SCAI: variants seen among roughly 807,000 people sequenced by gnomAD.
SCAI encodes the protein protein SCAI.
Under a neutral mutation model 92.2 loss-of-function variants are expected in SCAI, and 24 were observed. The ratio of observed to expected loss-of-function variants is 0.26; its 90% CI spans 0.19 to 0.37. The LOEUF (loss-of-function observed/expected upper bound fraction) is 0.37, where lower values mean the gene tolerates loss of function less well. Among genes scored for constraint, SCAI ranks in the 10% least tolerant of loss-of-function variants. SCAI has a pLI of 1.00. For missense variants in SCAI, 450 were observed against 736.2 expected (o/e 0.61, Z 4.50); for synonymous variants, 261 against 258.6 (o/e 1.01, Z -0.09).
intron 3 of SCAI, among the ~76,000 whole-genome samples, chr9:125,037,332 T>C (rs1375245784): frequency 1.3e-5 from 2 of 149,344 alleles, no homozygotes; most frequent in African/African-American, 4.9e-5. Context: ...CACAGCTCCC[T>C]GGGAGGCTGA....
intron 4 of SCAI, among the ~76,000 whole-genome samples, chr9:125,029,213 C>T (rs1833023294): frequency 6.6e-6 from 1 of 152,234 alleles, no homozygotes; most frequent in Admixed American, 6.5e-5. Flanking sequence ...TCCCCCACTT[C>T]AGGGTTCAAG....
intron 15 of SCAI, among the ~76,000 whole-genome samples, chr9:124,973,141 G>A (rs1304460050): frequency 6.6e-6 from 1 of 152,118 alleles, no homozygotes; most frequent in Non-Finnish European, 1.5e-5. Context: ...TAACCTAAAG[G>A]TAACTTTACA....
chr9:125,102,150 A>G (rs1459008018), intron 2 of SCAI, among the ~76,000 whole-genome samples: 1 of 152,232 alleles, frequency 6.6e-6, no homozygotes, highest in African/African-American at 2.4e-5. Context: ...ACATGTCTCC[A>G]GACATTGCTA....
chr9:124,970,516 C>T (rs987181691), intron 17 of SCAI, among the ~76,000 whole-genome samples: 1 of 151,920 alleles, frequency 6.6e-6, no homozygotes, highest in Non-Finnish European at 1.5e-5. Flanking sequence ...GTCAGGAGAT[C>T]GAGACCAGCC....
At chr9:124,957,007 T>TA (rs1831325986) in intron 17 of SCAI, among the ~76,000 whole-genome samples, 1 of 150,414 alleles carries the variant, frequency 6.6e-6, no homozygotes, top group Non-Finnish European at 1.5e-5. Context: ...TTTTTTTTTT[T>TA]AAGAAAGGGT....
intron 13 of SCAI, among the ~76,000 whole-genome samples, chr9:124,999,626 A>G (rs1411435440): frequency 6.6e-6 from 1 of 152,134 alleles, no homozygotes; most frequent in Non-Finnish European, 1.5e-5. Flanking sequence ...CTAGAATGCA[A>G]TTTTGTTCAC....
At position 124,942,632 on chromosome 9, in the gene SCAI, A is replaced by G. The variant is rs952327076; in HGVS notation, c.*10175T>C. On this transcript the variant is annotated 3_prime_UTR_variant, in exon 18 of 18. Transcript: ENST00000336505. The stretch of plus-strand genomic sequence containing the variant: ...CTTTAAGCAAATAATGTTTATTTTT[A>G]TATTGATGATACACTTAATATATAT... The G allele has an allele frequency of 6.6e-6, 1 of 152,344 alleles. No homozygotes were observed. The highest frequency in any genetic ancestry group is 6.5e-5 in the Admixed American group (1 of 15,300). 9.4% of individuals were successfully genotyped at this position (152,344 alleles called of 1,614,324 possible). A position where few individuals can be genotyped will look rare whatever the true frequency, so the allele number is the denominator to read the frequency against.
intron 3 of SCAI, among the ~76,000 whole-genome samples, chr9:125,047,974 T>C (rs1833479897): frequency 1.3e-5 from 2 of 152,154 alleles, no homozygotes; most frequent in Admixed American, 1.3e-4. Flanking sequence ...GTCATTGATT[T>C]TCTTTTCTTT....
chr9:124,993,055 T>C (rs1412103357), intron 14 of SCAI, among the ~76,000 whole-genome samples: 3 of 152,254 alleles, frequency 2.0e-5, no homozygotes, highest in South Asian at 4.1e-4. Flanking sequence ...TGCTAGATCA[T>C]GTTAAACAAT....
intron 15 of SCAI, 125 bp from the exon 16 acceptor site, chr9:124,971,969 A>G (rs576928950): frequency 1.2e-4 from 60 of 505,296 alleles, no homozygotes; most frequent in African/African-American, 1.1e-3. Context: ...ATCATAATTC[A>G]TCAAAGCAGA....
intron 3 of SCAI, among the ~76,000 whole-genome samples, chr9:125,041,710 A>G (rs1238920306): frequency 6.6e-6 from 1 of 152,186 alleles, no homozygotes; most frequent in Non-Finnish European, 1.5e-5. Flanking sequence ...GCTGTAATAT[A>G]TAAATATTTT....
At chr9:125,123,619 C>CA in intron 2 of SCAI, among the ~76,000 whole-genome samples, 1 of 152,150 alleles carries the variant, frequency 6.6e-6, no homozygotes, top group East Asian at 1.9e-4. Flanking sequence ...ACTAAAAATA[C>CA]AAAAAATTAG....
chr9:125,104,957 C>CAA (rs201424630), intron 2 of SCAI, among the ~76,000 whole-genome samples: 45 of 95,836 alleles, frequency 4.7e-4, no homozygotes, highest in African/African-American at 1.3e-3. Flanking sequence ...GACCCTGTCT[C>CAA]AAAAAAAAAA....
At chr9:125,017,039 C>T (rs1359097189) in intron 9 of SCAI, among the ~76,000 whole-genome samples, 1 of 151,988 alleles carries the variant, frequency 6.6e-6, no homozygotes, top group African/African-American at 2.4e-5. Flanking sequence ...GAAGATAGTT[C>T]AACACATAAA....
At chr9:125,008,495 A>T (rs1040616193) in intron 9 of SCAI, among the ~76,000 whole-genome samples, 1 of 152,204 alleles carries the variant, frequency 6.6e-6, no homozygotes, top group African/African-American at 2.4e-5. Flanking sequence ...AGGAAAAAAA[A>T]ATTTAATCTA....
intron 14 of SCAI, among the ~76,000 whole-genome samples, chr9:124,980,310 C>CT (rs373009292): frequency 0.17 from 24,420 of 146,620 alleles, 2,125 homozygotes; most frequent in Admixed American, 0.23. Context: ...TCTCTCCTGA[C>CT]TTTTTTTTTT....
chr9:124,990,045 GCA>G (rs1420778542), intron 14 of SCAI, among the ~76,000 whole-genome samples: 58 of 149,836 alleles, frequency 3.9e-4, no homozygotes, highest in Middle Eastern at 3.7e-3. Flanking sequence ...GTGGTGGCGT[GCA>G]CCTGTAATCC....
At chr9:124,990,916 C>A (rs1832105320) in intron 14 of SCAI, among the ~76,000 whole-genome samples, 1 of 152,096 alleles carries the variant, frequency 6.6e-6, no homozygotes, top group Admixed American at 6.6e-5. Flanking sequence ...GTAGCTGAGA[C>A]CCACCCCAGG....
chr9:125,070,354 A>T (rs1833957747), intron 2 of SCAI, among the ~76,000 whole-genome samples: 1 of 152,094 alleles, frequency 6.6e-6, no homozygotes, highest in Non-Finnish European at 1.5e-5. Flanking sequence ...AGGATAGCAT[A>T]AAATTATCAT....
Sources: allele counts gnomAD v4.1 joint callset (sites outside exome capture counted in the v4.1 genomes callset), GRCh38; gene constraint gnomAD v4.1.1; transcripts MANE v1.5; gene names NCBI Gene and HGNC (gene_info 2026-07-23, HGNC 2026-07-21).